The following TPTE2 variants were observed in gnomAD, a reference collection of about 807,000 sequenced individuals.
TPTE2 encodes transmembrane phosphoinositide 3-phosphatase and tensin homolog 2, also known as phosphatidylinositol 3,4,5-trisphosphate 3-phosphatase TPTE2.
TPTE2 carries 53 observed loss-of-function variants against 78.6 expected under a neutral mutation model. The ratio of observed to expected loss-of-function variants is 0.67; its 90% CI spans 0.54 to 0.85. The LOEUF is 0.85. TPTE2 is among the 40% of genes least tolerant of loss of function. The pLI is 0.00. For synonymous variants in TPTE2, 175 were observed against 206.2 expected, an observed-to-expected ratio of 0.85 and a Z score of 1.30; for missense variants, 461 against 623.0, an observed-to-expected ratio of 0.74 and a Z score of 2.77.
At chr13:19,524,413 T>C (rs7320408) in intron 1 of TPTE2, among the ~76,000 whole-genome samples, 1 of 152,098 alleles carries the variant, frequency 6.6e-6, no homozygotes, top group Non-Finnish European at 1.5e-5. Context: ...TCCTGATTGG[T>C]AGTACTTCCA....
At chr13:19,526,170 TCCCATTACTGAGTATATA>T (rs1301311363) in intron 1 of TPTE2, among the ~76,000 whole-genome samples, 1 of 152,172 alleles carries the variant, frequency 6.6e-6, no homozygotes, top group African/African-American at 2.4e-5. Context: ...GACCCAGCAA[TCCCATTACTGAGTATATA>T]CCCACAGGAA....
chr13:19,464,585 A>C (rs558429136), intron 9 of TPTE2, 65 bp from the exon 13 acceptor site: 1 of 1,540,480 alleles, frequency 6.5e-7, no homozygotes, highest in South Asian at 1.2e-5. Flanking sequence ...AAAAAAAATT[A>C]ATTTATACAT....
upstream of TPTE2, chr13:19,505,754 C>G (rs1414801469): frequency 6.6e-6 from 1 of 152,034 alleles, no homozygotes; most frequent in Non-Finnish European, 1.5e-5. Context: ...TACCTGTTAC[C>G]TCCTCATTGC....
upstream of TPTE2, among the ~76,000 whole-genome samples, chr13:19,541,161 T>C (rs1273920502): frequency 6.6e-6 from 1 of 152,220 alleles, no homozygotes; most frequent in Non-Finnish European, 1.5e-5. Context: ...CTCCTAGTGG[T>C]CCCCAAGGTT....
chr13:19,455,584 C>CTAAGG (rs58515437), intron 10 of TPTE2, among the ~76,000 whole-genome samples: 148,021 of 152,138 alleles, frequency 0.97, 72,096 homozygotes, highest in East Asian at 1. Flanking sequence ...GACACCTAAG[C>CTAAGG]TAATTGTAGA....
chr13:19,426,741 G>A (rs1473284624), intron 17 of TPTE2, among the ~76,000 whole-genome samples: 1 of 152,100 alleles, frequency 6.6e-6, no homozygotes, highest in Non-Finnish European at 1.5e-5. Context: ...GAGTCTCACT[G>A]TCACCCAGGC....
In TPTE2 at chr13:19,474,839, G is replaced by A. The variant is rs569331910; in HGVS notation, c.230+734C>T. On this transcript the variant is annotated intron_variant, in intron 5 of 19. Transcript: ENST00000400230. ...TAAATCTATATCATAGTATGAAATC[G>A]TACTCTTATGTAGAGAAGAGTCTAA... Among the ~76,000 whole-genome samples, 5 of 152,132 alleles carry A rather than the reference G, an allele frequency of 3.3e-5. No homozygotes were observed. In the East Asian group the frequency reaches 5.8e-4, roughly 18 times the overall value.
intron 1 of TPTE2, among the ~76,000 whole-genome samples, chr13:19,498,812 T>G (rs958675728): frequency 1.1e-4 from 16 of 151,680 alleles, no homozygotes; most frequent in South Asian, 4.2e-4. Flanking sequence ...TAACTTTAAA[T>G]GTAAATGGAC....
the TPTE2 span, among the ~76,000 whole-genome samples, chr13:19,544,451 G>A: frequency 4.0e-5 from 6 of 151,500 alleles, no homozygotes; most frequent in African/African-American, 1.2e-4. Flanking sequence ...CACATATAAC[G>A]CAAAGGAAAA....
chr13:19,446,563 T>C (rs1031955565), intron 13 of TPTE2, among the ~76,000 whole-genome samples: 10 of 152,178 alleles, frequency 6.6e-5, no homozygotes, highest in Admixed American at 2.6e-4. Context: ...ACTATATCAG[T>C]ATAGGGGTGA....
Position 19,461,782 on chromosome 13 carries a change from C to T in TPTE2, c.741+2674G>A, listed in dbSNP as rs1469639225. Among the ~76,000 whole-genome samples the T allele has an allele frequency of 2.0e-5, 3 of 152,110 alleles. No homozygotes were observed. The East Asian group carries it at 5.8e-4, about 29-fold the overall frequency. On this transcript the variant is annotated intron_variant, in intron 10 of 19. Transcript: ENST00000400230. ...TTCTTTGTCTCTTCATACAGTTTGACTTAAAGTCTGTTTTTATCTGATAAG... is the reference window on the plus strand; with the variant it reads ...TTCTTTGTCTCTTCATACAGTTTGATTTAAAGTCTGTTTTTATCTGATAAG...
chr13:19,443,735 AATACACACACACACAC>A (rs1307921621), intron 13 of TPTE2, among the ~76,000 whole-genome samples: 4 of 101,064 alleles, frequency 4.0e-5, no homozygotes, highest in African/African-American at 7.9e-5. Context: ...AATGGTAGCT[AATACACACACACACAC>A]ACACACACAC....
At chr13:19,503,126 T>G in intron 1 of TPTE2, 98 bp downstream of exon 4, 1 of 1,545,990 alleles carries the variant, frequency 6.5e-7, no homozygotes, top group Non-Finnish European at 8.9e-7. Flanking sequence ...GATGCATGGA[T>G]GCATGGATGG....
chr13:19,559,258 A>T, the TPTE2 span, among the ~76,000 whole-genome samples: 1 of 152,094 alleles, frequency 6.6e-6, no homozygotes, highest in Non-Finnish European at 1.5e-5. Flanking sequence ...TAGTATATAT[A>T]TTTTTTCTCA....
chr13:19,467,523 A>G (rs1343222563), intron 6 of TPTE2, among the ~76,000 whole-genome samples, 179 bp from the exon 10 acceptor site: 1 of 152,194 alleles, frequency 6.6e-6, no homozygotes, highest in Non-Finnish European at 1.5e-5. Flanking sequence ...GAAGTTTTCA[A>G]ACAATAAAAT....
At chr13:19,505,851 G>T (rs1265504797), upstream of TPTE2, 3 of 151,822 alleles carry the variant, frequency 2.0e-5, no homozygotes, top group Non-Finnish European at 4.4e-5. Flanking sequence ...GTTCCTAAGG[G>T]ATTGGATACC....
chr13:19,506,566 C>T (rs181517215), upstream of TPTE2, among the ~76,000 whole-genome samples: 1 of 152,152 alleles, frequency 6.6e-6, no homozygotes, highest in Non-Finnish European at 1.5e-5. Flanking sequence ...ATTATAAAAG[C>T]ATATTATTCA....
chr13:19,451,171 G>C, exon 11 of TPTE2: 2 of 1,613,372 alleles, frequency 1.2e-6, no homozygotes, highest in Non-Finnish European at 1.7e-6. Context: ...ATACTGCATA[G>C]ATTGTAGACT....
At chr13:19,504,031 C>G (rs1005698670), upstream of TPTE2, among the ~76,000 whole-genome samples, 1 of 152,202 alleles carries the variant, frequency 6.6e-6, no homozygotes, top group East Asian at 1.9e-4. Flanking sequence ...TGAGCCACCA[C>G]GCCCGGCCTC....
Sources: gnomAD v4.1 joint callset for allele counts (sites outside exome capture counted in the v4.1 genomes callset) on GRCh38, gnomAD v4.1.1 for gene constraint, MANE v1.5 for transcripts, NCBI Gene and HGNC (gene_info 2026-07-23, HGNC 2026-07-21) for gene names.